The following DCLK3 variants were observed in gnomAD, a reference collection of about 807,000 sequenced individuals.
DCLK3 encodes the protein doublecortin like kinase 3.
In DCLK3, 30 loss-of-function variants were observed where a neutral mutation model predicts 46.4. The ratio of observed to expected loss-of-function variants is 0.65; its 90% CI spans 0.48 to 0.88. DCLK3 has a LOEUF of 0.88. DCLK3 is among the 40% of genes least tolerant of loss of function. DCLK3 has a pLI of 0.00. For missense variants in DCLK3, 846 were observed against 907.1 expected (o/e 0.93, Z 0.87); for synonymous variants, 401 against 339.2 (o/e 1.18, Z -2.00).
At chr3:36,717,847 C>T (rs139764669) in intron 4 of DCLK3, among the ~76,000 whole-genome samples, 163 bp downstream of exon 4, 2 of 152,270 alleles carry the variant, frequency 1.3e-5, no homozygotes, top group East Asian at 3.9e-4. Flanking sequence ...GCCATGTTTT[C>T]AGAGTGCTAC....
At chr3:36,728,319 A>T (rs998402589) in intron 2 of DCLK3, among the ~76,000 whole-genome samples, 2 of 151,994 alleles carry the variant, frequency 1.3e-5, no homozygotes, top group African/African-American at 4.8e-5. Context: ...TGACAACTTG[A>T]CTGGATTAAG....
At chr3:36,735,045 A>G (rs1701243639) in intron 2 of DCLK3, among the ~76,000 whole-genome samples, 1 of 152,216 alleles carries the variant, frequency 6.6e-6, no homozygotes, top group Non-Finnish European at 1.5e-5. Context: ...AAAGAAAATC[A>G]TCTCATTCCA....
intron 1 of DCLK3, among the ~76,000 whole-genome samples, chr3:36,746,423 G>A (rs1478726356): frequency 6.6e-6 from 1 of 150,638 alleles, no homozygotes; most frequent in African/African-American, 2.5e-5. Context: ...TTTTTAAGTG[G>A]ACATTCCTTT....
In DCLK3 at chr3:36,737,771, C is replaced by T; in HGVS notation, c.1396G>A (p.Ala466Thr). The change falls in exon 2 of 5, where the codon GCA becomes ACA. Residue 466 changes from alanine to threonine, a missense_variant. Physicochemically the swap from Ala to Thr is moderately conservative, Grantham distance 58. Around this residue, in one of 3 missense-constraint regions of DCLK3, gnomAD observed 553 missense variants for 543.0 expected, o/e 1.02. Transcript: ENST00000636136. The surrounding 1 kb of genome is among the most constrained non-coding windows in gnomAD (Gnocchi z 4.4). The part of the protein sequence containing the change: ...LRRTRGEEKE[A>T]EKEKKPCMSG... ...ATACATGGCTTTTTCTCCTTCTCTG[C>T]CTCCTTCTCTTCTCCTCGGGTCCTG... The T allele has an allele frequency of 6.2e-7, 1 of 1,614,176 alleles. No individual in the cohort carries two copies. The highest frequency in any genetic ancestry group is 8.5e-7 in the Non-Finnish European group (1 of 1,180,042).
At position 36,743,562 on chromosome 3, in the gene DCLK3, C is replaced by G. The variant is rs187700744; in HGVS notation, c.83-4478G>C. ...GTTCTTATTAACATCTTATTTTTTT[C>G]TTATTAACACCTTATTTTTCTGTTA... is the stretch of plus-strand genomic sequence containing the variant. On this transcript the variant is annotated intron_variant, in intron 1 of 4. Transcript: ENST00000636136. 1.8e-3 allele frequency among the ~76,000 whole-genome samples: 280 copies of G among 152,152 alleles called. 3 individuals are homozygous for G. Among genetic ancestry groups the G allele is most frequent in the Middle Eastern group, 6.8e-3 (2 of 294 alleles).
chr3:36,715,143 A>G lies in DCLK3; in HGVS notation c.*185T>C. ...TAAAGGCTTTAAATATACAAATCTAAAAATATGTTGTGACATTTAACATTG... is the reference window on the plus strand; with the variant it reads ...TAAAGGCTTTAAATATACAAATCTAGAAATATGTTGTGACATTTAACATTG... On this transcript the variant is annotated 3_prime_UTR_variant, in exon 5 of 5. Coordinates refer to ENST00000636136, the MANE Select transcript of DCLK3 (RefSeq NM_001394672.2). 1.4e-6 allele frequency: 1 copy of G among 693,418 alleles called. No individual in the cohort carries two copies. Among genetic ancestry groups the G allele is most frequent in the Non-Finnish European group, 2.3e-6 (1 of 437,792 alleles). The allele number at this position is 693,418 out of a possible 1,614,324, so 43.0% of individuals were successfully genotyped here. A position where few individuals can be genotyped will look rare whatever the true frequency, so the allele number is the denominator to read the frequency against.
At chr3:36,724,402 T>C (rs1317064744) in intron 2 of DCLK3, among the ~76,000 whole-genome samples, 1 of 152,208 alleles carries the variant, frequency 6.6e-6, no homozygotes, top group African/African-American at 2.4e-5. Flanking sequence ...TGATTGGTTT[T>C]GAAATGTGAG....
chr3:36,720,539 T>C (rs1054336898), intron 3 of DCLK3, among the ~76,000 whole-genome samples: 6 of 148,078 alleles, frequency 4.1e-5, no homozygotes, highest in Non-Finnish European at 7.4e-5. Context: ...AGTTTCACTC[T>C]TGTTGCCCAG....
Position 36,738,294 on chromosome 3 carries a change from C to A in DCLK3, c.873G>T (p.Glu291Asp), listed in dbSNP as rs1701296883. ...TTTCAATCTCCACCCCAAGATGCTTCTCTCCCCTTGCGTGCCTCTCTTCCA... is the reference window on the plus strand; with the variant it reads ...TTTCAATCTCCACCCCAAGATGCTTATCTCCCCTTGCGTGCCTCTCTTCCA... ...ATLEERHARGEKHLGVEIEKT... is the reference protein window; with the variant it reads ...ATLEERHARGDKHLGVEIEKT... Residue 291 changes from glutamate to aspartate, a missense_variant, in exon 2 of 5, where the codon GAG becomes GAT. Glu to Asp is a conservative substitution (Grantham distance 45). Coordinates refer to ENST00000636136, the MANE Select transcript of DCLK3 (RefSeq NM_001394672.2). The A allele has an allele frequency of 6.6e-7, 1 of 1,520,560 alleles. No individual in the cohort carries two copies. Among genetic ancestry groups the A allele is most frequent in the Non-Finnish European group, 8.8e-7 (1 of 1,136,478 alleles). The allele number at this position is 1,520,560 out of a possible 1,614,324, so 94.2% of individuals were successfully genotyped here. A position where few individuals can be genotyped will look rare whatever the true frequency, so the allele number is the denominator to read the frequency against.
At chr3:36,728,309 T>A (rs114597584) in intron 2 of DCLK3, among the ~76,000 whole-genome samples, 4,358 of 152,070 alleles carry the variant, frequency 0.029, 132 homozygotes, top group African/African-American at 0.078. Flanking sequence ...TAATTTTAGA[T>A]GACAACTTGA....
At chr3:36,716,374 C>T (rs1700980333) in intron 4 of DCLK3, among the ~76,000 whole-genome samples, 1 of 152,218 alleles carries the variant, frequency 6.6e-6, no homozygotes, top group African/African-American at 2.4e-5. Context: ...CCCCCGATGT[C>T]CAGCCACCTC....
Position 36,737,434 on chromosome 3 carries a change from A to T in DCLK3, c.1733T>A (p.Leu578His), listed in dbSNP as rs773962632. ...VDSEILIIQS[L>H]SHPNIVKLHE... The stretch of plus-strand genomic sequence containing the variant: ...CAATTTCACGATGTTGGGGTGAGAG[A>T]GGCTCTGGATGATCAAGATCTCACT... Residue 578 changes from leucine (L) to histidine (H), a missense_variant, in exon 2 of 5, where the codon CTC becomes CAC. Physicochemically the swap from Leu to His is moderately conservative, Grantham distance 99. This residue lies in a region of DCLK3 where 247 missense variants were observed against 322.8 expected (regional missense o/e 0.77). Coordinates refer to ENST00000636136, the MANE Select transcript of DCLK3 (RefSeq NM_001394672.2). The surrounding 1 kb of genome is among the most constrained non-coding windows in gnomAD (Gnocchi z 4.4). The T allele has an allele frequency of 2.5e-6, 4 of 1,614,158 alleles. No individual in the cohort carries two copies. Among genetic ancestry groups the T allele is most frequent in the Non-Finnish European group, 3.4e-6 (4 of 1,180,032 alleles).
At chr3:36,729,256 G>T (rs1029472908) in intron 2 of DCLK3, among the ~76,000 whole-genome samples, 4 of 151,546 alleles carry the variant, frequency 2.6e-5, no homozygotes, top group Non-Finnish European at 5.9e-5. Flanking sequence ...TGTGGGGGGG[G>T]GGGGTACAAA....
At chr3:36,718,661 A>G (rs1218268198) in intron 3 of DCLK3, among the ~76,000 whole-genome samples, 1 of 152,078 alleles carries the variant, frequency 6.6e-6, no homozygotes, top group African/African-American at 2.4e-5. Context: ...TTGACCCTTC[A>G]CTGGAGGTAG....
intron 1 of DCLK3, among the ~76,000 whole-genome samples, chr3:36,757,465 C>T (rs1701496070): frequency 6.6e-6 from 1 of 151,554 alleles, no homozygotes; most frequent in South Asian, 2.1e-4. Context: ...TTTTTTTCAC[C>T]TCCTTTGAAC....
At chr3:36,740,671 A>C (rs1701335487) in intron 1 of DCLK3, among the ~76,000 whole-genome samples, 1 of 152,346 alleles carries the variant, frequency 6.6e-6, no homozygotes, top group African/African-American at 2.4e-5. Context: ...CTCAATTTCT[A>C]TCCAGGTCAG....
Position 36,738,555 on chromosome 3 carries a change from A to G in DCLK3, c.612T>C (p.Pro204=). ...ACAGCCTGCTCCTCAGCCTTGGAGA[A>G]GGGGCACGGCTGTGCTGGGCCAGTG... ...ALTLAQHSRA[P]SPRLRSRLFS... The change falls in exon 2 of 5, where the codon CCT becomes CCC. Residue 204 remains proline (P), a synonymous_variant. Transcript: ENST00000636136. 9.4e-6 allele frequency: 14 copies of G among 1,495,042 alleles called. No homozygotes were observed. Among genetic ancestry groups the G allele is most frequent in the African/African-American group, 1.4e-5 (1 of 70,048 alleles). The allele number at this position is 1,495,042 out of a possible 1,614,324, so 92.6% of individuals were successfully genotyped here.
chr3:36,726,073 G>T lies in DCLK3; in HGVS notation c.1960-4414C>A, dbSNP rs537122246. Among the ~76,000 whole-genome samples, 3 of 152,208 alleles carry T rather than the reference G, an allele frequency of 2.0e-5. No homozygotes were observed. In the South Asian group the frequency reaches 6.2e-4, roughly 32 times the overall value. On this transcript the variant is annotated intron_variant, in intron 2 of 4. Transcript: ENST00000636136. ...GTGTGGCAAGTATTTAGGTCACTAT[G>T]CTAGAAAAAATAAAACTAAATTTCA...
At chr3:36,724,171 G>C (rs1236732588) in intron 2 of DCLK3, among the ~76,000 whole-genome samples, 1 of 152,168 alleles carries the variant, frequency 6.6e-6, no homozygotes, top group African/African-American at 2.4e-5. Flanking sequence ...ACTTTCATGG[G>C]GCCTGTGGCC....
Sources: allele counts gnomAD v4.1 joint callset (sites outside exome capture counted in the v4.1 genomes callset), GRCh38; gene constraint gnomAD v4.1.1; regional missense constraint gnomAD v4.1.1; non-coding constraint Gnocchi (gnomAD v3.1); transcripts MANE v1.5; gene names NCBI Gene and HGNC (gene_info 2026-07-23, HGNC 2026-07-21).